The following ST3GAL6 variants were observed in gnomAD, a reference collection of about 807,000 sequenced individuals.
The protein encoded by ST3GAL6 is type 2 lactosamine alpha-2,3-sialyltransferase.
ST3GAL6 carries 31 observed loss-of-function variants against 40.5 expected under a neutral mutation model. The observed-to-expected ratio is 0.77, with a 90% CI of 0.58 to 1.03. The LOEUF (loss-of-function observed/expected upper bound fraction) is 1.03, where lower values mean the gene tolerates loss of function less well. ST3GAL6 is among the 50% of genes least tolerant of loss of function. The pLI, the probability that ST3GAL6 is intolerant of heterozygous loss-of-function variation, is 0.00. For missense variants in ST3GAL6, 357 were observed against 393.2 expected (o/e 0.91, Z 0.78); for synonymous variants, 129 against 136.9 (o/e 0.94, Z 0.40).
At chr3:98,782,959 T>G in intron 5 of ST3GAL6, 1 of 328,340 alleles carries the variant, frequency 3.0e-6, no homozygotes, top group Non-Finnish European at 6.0e-6. Context: ...CAATTGGAAA[T>G]GCTCAGAAGG....
intron 5 of ST3GAL6, chr3:98,783,470 A>T: frequency 1.3e-6 from 1 of 774,794 alleles, no homozygotes; most frequent in Non-Finnish European, 1.6e-6. Flanking sequence ...TCCTCCCCTC[A>T]GTTCTTCTCT....
chr3:98,782,243 T>TGGACAGCAAG, intron 5 of ST3GAL6: 1 of 703,306 alleles, frequency 1.4e-6, no homozygotes, highest in South Asian at 1.5e-5. Context: ...TTCCGCCTGC[T>TGGACAGCAAG]GGACAGCAAG....
rs112804947 is a variant in ST3GAL6, at chr3:98,736,904, G to A, written c.-12+4372G>A. 5.0e-3 allele frequency among the ~76,000 whole-genome samples: 754 copies of A among 152,288 alleles called. 4 individuals carry two copies. The highest frequency in any genetic ancestry group is 0.012 in the South Asian group (60 of 4,826). ...GTAGTTAAAGAAGAGTGCAAAAGACGGAGTGGGAGGAGATGTAGTCAGTAA... is the reference window on the plus strand; with the variant it reads ...GTAGTTAAAGAAGAGTGCAAAAGACAGAGTGGGAGGAGATGTAGTCAGTAA... On this transcript the variant is annotated intron_variant, in intron 1 of 9. Coordinates refer to the ST3GAL6 transcript ENST00000265261.
chr3:98,758,260 C>A (rs1429662648), intron 1 of ST3GAL6, among the ~76,000 whole-genome samples: 3 of 152,318 alleles, frequency 2.0e-5, no homozygotes, highest in African/African-American at 7.2e-5. Flanking sequence ...GCTAGAGTCA[C>A]CATGGTATTT....
intron 1 of ST3GAL6, among the ~76,000 whole-genome samples, chr3:98,750,662 G>A (rs1482885987): frequency 2.6e-5 from 4 of 151,888 alleles, no homozygotes; most frequent in Non-Finnish European, 5.9e-5. Context: ...TTAACAGGAT[G>A]CTCAGGTGAT....
chr3:98,738,086 C>G (rs961438220), intron 1 of ST3GAL6, among the ~76,000 whole-genome samples: 1 of 131,994 alleles, frequency 7.6e-6, no homozygotes, highest in East Asian at 2.6e-4. Flanking sequence ...AGCCTCCCCC[C>G]GCCCTCCCCC....
intron 5 of ST3GAL6, chr3:98,782,716 G>A (rs2107293953): frequency 4.3e-6 from 2 of 466,878 alleles, no homozygotes; most frequent in African/African-American, 2.0e-5. Context: ...GCAGGGAGGA[G>A]GCCAATGGCG....
chr3:98,745,355 G>A (rs72932612), intron 1 of ST3GAL6, among the ~76,000 whole-genome samples: 130 of 152,148 alleles, frequency 8.5e-4, no homozygotes, highest in African/African-American at 3.1e-3. Flanking sequence ...TTTTATTTTG[G>A]GCTGAGTTTC....
At position 98,733,347 on chromosome 3, in the gene ST3GAL6, C is replaced by T. The variant is rs1203655414; in HGVS notation, c.-12+815C>T. Reference sequence around the variant, plus strand: ...CAGGAGCCGTGGGGGCCGAGAGAATCTGCTCTGGGACCCTCTTTTGTCGAA... The same window carrying T: ...CAGGAGCCGTGGGGGCCGAGAGAATTTGCTCTGGGACCCTCTTTTGTCGAA... On this transcript the variant is annotated intron_variant, in intron 1 of 9. Transcript: ENST00000265261. 3 of 1,101,674 alleles carry T rather than the reference C, an allele frequency of 2.7e-6. No individual in the cohort carries two copies. In the African/African-American group the frequency reaches 4.9e-5, roughly 18 times the overall value. The allele number at this position is 1,101,674 out of a possible 1,614,324, so 68.2% of individuals were successfully genotyped here.
intron 1 of ST3GAL6, among the ~76,000 whole-genome samples, chr3:98,742,096 T>C (rs536893620): frequency 3.3e-5 from 5 of 152,340 alleles, no homozygotes; most frequent in African/African-American, 1.2e-4. Context: ...ATTATGTGTA[T>C]GACAATGTAC....
chr3:98,747,180 C>T (rs749332516), intron 1 of ST3GAL6, among the ~76,000 whole-genome samples: 9 of 152,130 alleles, frequency 5.9e-5, no homozygotes, highest in South Asian at 2.1e-4. Context: ...TTCTTCAATG[C>T]GCTCATTTTT....
chr3:98,751,553 G>T (rs1287734864), intron 1 of ST3GAL6, among the ~76,000 whole-genome samples: 1 of 152,104 alleles, frequency 6.6e-6, no homozygotes, highest in Non-Finnish European at 1.5e-5. Context: ...AAACATTTAT[G>T]TACTTAAAAA....
upstream of ST3GAL6, chr3:98,763,321 A>G: frequency 7.8e-7 from 1 of 1,289,030 alleles, no homozygotes; most frequent in South Asian, 1.2e-5. Flanking sequence ...CATGTTCCAC[A>G]CAGTCTGGAG....
At chr3:98,755,858 G>A (rs1937379922) in intron 1 of ST3GAL6, among the ~76,000 whole-genome samples, 1 of 150,364 alleles carries the variant, frequency 6.7e-6, no homozygotes, top group African/African-American at 2.5e-5. Flanking sequence ...TAAACTAGTT[G>A]TTCTAATACT....
upstream of ST3GAL6, chr3:98,763,156 G>A (rs1213898527): frequency 4.1e-6 from 4 of 985,298 alleles, no homozygotes; most frequent in African/African-American, 7.0e-5. Context: ...GGGGACCTAT[G>A]AGGCTGGACC....
In ST3GAL6 at chr3:98,788,100, T is replaced by C; in HGVS notation, c.496T>C (p.Phe166Leu). 16 of 1,614,026 alleles carry C rather than the reference T, an allele frequency of 9.9e-6. No homozygotes were observed. Among genetic ancestry groups the C allele is most frequent in the Non-Finnish European group, 1.4e-5 (16 of 1,179,958 alleles). The part of the protein sequence containing the change: ...EVGRRTTFRL[F>L]YPESVFSDPI... ...TGGGAGAAGGACAACCTTCCGACTTTTTTATCCAGAATCTGTTTTTTCAGA... is the reference window on the plus strand; with the variant it reads ...TGGGAGAAGGACAACCTTCCGACTTCTTTATCCAGAATCTGTTTTTTCAGA... The change falls in exon 7 of 10, where the codon TTT becomes CTT. Residue 166 changes from phenylalanine to leucine, a missense_variant. Phe to Leu is a conservative substitution (Grantham distance 22, BLOSUM62 0). Coordinates refer to ENST00000483910, the MANE Select transcript of ST3GAL6 (RefSeq NM_001323368.2).
At chr3:98,733,702 C>A in intron 1 of ST3GAL6, 1 of 669,206 alleles carries the variant, frequency 1.5e-6, no homozygotes, top group Non-Finnish European at 1.8e-6. Flanking sequence ...AAGCCTCTTT[C>A]TTGTGTGCTG....
chr3:98,744,714 T>G (rs1936404554), intron 1 of ST3GAL6, among the ~76,000 whole-genome samples: 1 of 151,900 alleles, frequency 6.6e-6, no homozygotes, highest in Non-Finnish European at 1.5e-5. Context: ...GGTGTCCAGT[T>G]TTTCCCAGTT....
chr3:98,790,133 G>A (rs1457781254), intron 8 of ST3GAL6, among the ~76,000 whole-genome samples: 3 of 152,166 alleles, frequency 2.0e-5, no homozygotes, highest in African/African-American at 4.8e-5. Flanking sequence ...AACAAGGATC[G>A]TAGAAATGAA....
Sources: allele counts gnomAD v4.1 joint callset (sites outside exome capture counted in the v4.1 genomes callset), GRCh38; gene constraint gnomAD v4.1.1; transcripts MANE v1.5; gene names NCBI Gene and HGNC (gene_info 2026-07-23, HGNC 2026-07-21).